Variants in C12orf42 observed in about 807,000 individuals in gnomAD.
C12orf42 encodes the protein uncharacterized protein C12orf42.
In C12orf42, 25 loss-of-function variants were observed where a neutral mutation model predicts 21.6. The ratio of observed to expected loss-of-function variants is 1.16; its 90% CI spans 0.84 to 1.62. The LOEUF (loss-of-function observed/expected upper bound fraction) is 1.62. Among genes scored for constraint, C12orf42 ranks in the 40% most tolerant of loss-of-function variants. C12orf42 has a pLI of 0.00. For synonymous variants in C12orf42, 174 were observed against 175.0 expected (o/e 0.99, Z 0.05); for missense variants, 483 against 459.3 (o/e 1.05, Z -0.47).
chr12:103,528,285 A>C, the C12orf42 span, among the ~76,000 whole-genome samples: 2 of 152,378 alleles, frequency 1.3e-5, no homozygotes, highest in African/African-American at 4.8e-5. Context: ...ACAAATTTCA[A>C]TTAGGTCCAA....
chr12:103,551,254 CTATAA>C, the C12orf42 span, among the ~76,000 whole-genome samples: 1 of 152,076 alleles, frequency 6.6e-6, no homozygotes, highest in Non-Finnish European at 1.5e-5. Context: ...TGTCATGGCT[CTATAA>C]TATATTTTAT....
chr12:103,206,014 G>T, the C12orf42 span, among the ~76,000 whole-genome samples: 1 of 152,196 alleles, frequency 6.6e-6, no homozygotes, highest in African/African-American at 2.4e-5. Flanking sequence ...ATTCTCTGCT[G>T]ATGGTTCACA....
At chr12:103,471,874 G>A (rs1022526770) in intron 2 of C12orf42, 3 of 151,922 alleles carry the variant, frequency 2.0e-5, no homozygotes, top group Admixed American at 1.3e-4. Flanking sequence ...CCACGAAATC[G>A]ATTGTATAAC....
At chr12:103,175,428 C>A in the C12orf42 span, among the ~76,000 whole-genome samples, 12 of 152,252 alleles carry the variant, frequency 7.9e-5, no homozygotes, top group African/African-American at 2.2e-4. Flanking sequence ...GAAAATGTTG[C>A]AAAGCTCATC....
the C12orf42 span, among the ~76,000 whole-genome samples, chr12:103,103,778 A>T: frequency 2.0e-5 from 3 of 152,118 alleles, no homozygotes; most frequent in South Asian, 6.2e-4. Context: ...ATTAATCGAT[A>T]GTAATCAATT....
chr12:103,286,156 C>T (rs1230472392), intron 4 of C12orf42, among the ~76,000 whole-genome samples: 1 of 151,966 alleles, frequency 6.6e-6, no homozygotes, highest in African/African-American at 2.4e-5. Flanking sequence ...GAGGCTGAGG[C>T]AGGAGAATGG....
chr12:103,067,983 C>T, the C12orf42 span, among the ~76,000 whole-genome samples: 4 of 152,118 alleles, frequency 2.6e-5, no homozygotes, highest in African/African-American at 7.2e-5. Flanking sequence ...ACTACAACAG[C>T]CCAATTCAGG....
At chr12:103,168,369 T>G in the C12orf42 span, 1 of 252,554 alleles carries the variant, frequency 4.0e-6, no homozygotes, top group Non-Finnish European at 7.9e-6. Context: ...TCTTAGATAT[T>G]ACCTAGTTCA....
intron 3 of C12orf42, chr12:103,396,506 T>A (rs2047547733): frequency 6.6e-6 from 1 of 152,256 alleles, no homozygotes; most frequent in South Asian, 2.1e-4. Context: ...GTTTCTAACA[T>A]TTTAATGAAT....
At chr12:103,062,709 G>T in the C12orf42 span, among the ~76,000 whole-genome samples, 1 of 152,062 alleles carries the variant, frequency 6.6e-6, no homozygotes, top group East Asian at 1.9e-4. Context: ...GTGTTTTGAG[G>T]CTAGATGTAT....
chr12:103,484,642 T>C (rs1331206049), intron 1 of C12orf42, among the ~76,000 whole-genome samples: 2 of 152,178 alleles, frequency 1.3e-5, no homozygotes, highest in Admixed American at 1.3e-4. Context: ...TATTTTGCTG[T>C]GCAGAAGCTC....
At chr12:103,126,463 C>A in the C12orf42 span, among the ~76,000 whole-genome samples, 1,939 of 152,174 alleles carry the variant, frequency 0.013, 41 homozygotes, top group African/African-American at 0.043. Flanking sequence ...TACAATAATC[C>A]TTCCCACTGG....
At chr12:103,125,490 G>A in the C12orf42 span, among the ~76,000 whole-genome samples, 3 of 152,274 alleles carry the variant, frequency 2.0e-5, no homozygotes, top group South Asian at 6.2e-4. Flanking sequence ...TCAACACCCA[G>A]AGCACTGGAA....
chr12:103,174,250 A>G, the C12orf42 span, among the ~76,000 whole-genome samples: 10 of 152,196 alleles, frequency 6.6e-5, no homozygotes, highest in Non-Finnish European at 8.8e-5. Context: ...CACACAACCT[A>G]TGGCAGAGCC....
intron 10 of C12orf42, among the ~76,000 whole-genome samples, chr12:103,248,902 C>T (rs1416119338): frequency 5.9e-5 from 9 of 151,976 alleles, no homozygotes; most frequent in Non-Finnish European, 1.2e-4. Flanking sequence ...GAAAGTTTTA[C>T]ATATAATTGT....
chr12:103,240,640 A>G (rs1312382519), intron 10 of C12orf42, among the ~76,000 whole-genome samples: 2 of 152,194 alleles, frequency 1.3e-5, no homozygotes, highest in African/African-American at 4.8e-5. Context: ...TCCCAGGCTA[A>G]AAGAAATGCT....
At chr12:103,105,840 G>A in the C12orf42 span, among the ~76,000 whole-genome samples, 108 of 152,254 alleles carry the variant, frequency 7.1e-4, 1 homozygote, top group South Asian at 0.021. Flanking sequence ...ATGCTACATA[G>A]AGGGATGAAA....
intron 2 of C12orf42, 143 bp downstream of exon 2, chr12:103,478,206 G>T: frequency 1.7e-6 from 1 of 586,528 alleles, no homozygotes; most frequent in Non-Finnish European, 2.9e-6. Context: ...AATGATGTGA[G>T]TATGGATAAA....
the C12orf42 span, among the ~76,000 whole-genome samples, chr12:103,153,535 T>C: frequency 6.6e-6 from 1 of 152,108 alleles, no homozygotes; most frequent in Admixed American, 6.5e-5. Flanking sequence ...AAATACTTTA[T>C]AAAAGAGGAT....
Sources: allele counts gnomAD v4.1 joint callset (sites outside exome capture counted in the v4.1 genomes callset), GRCh38; gene constraint gnomAD v4.1.1; transcripts MANE v1.5; gene names NCBI Gene and HGNC (gene_info 2026-07-23, HGNC 2026-07-21).